DPP7: variants seen among roughly 807,000 people sequenced by gnomAD.
DPP7 encodes dipeptidyl peptidase 2.
Under a neutral mutation model 58.8 loss-of-function variants are expected in DPP7, and 74 were observed. That is an observed-to-expected ratio of 1.26 (90% CI 1.04 to 1.53). The LOEUF is 1.53. DPP7 is among the 40% of genes most tolerant of loss of function. DPP7 has a pLI of 0.00. For missense variants in DPP7, 807 were observed against 692.3 expected, an observed-to-expected ratio of 1.17 and a Z score of -1.86; for synonymous variants, 350 against 303.6, an observed-to-expected ratio of 1.15 and a Z score of -1.59.
intron 4 of DPP7, 66 bp from the exon 5 acceptor site, chr9:137,113,562 G>A: frequency 6.7e-7 from 1 of 1,495,444 alleles, no homozygotes; most frequent in Non-Finnish European, 8.9e-7. Flanking sequence ...TCCTCCTCAG[G>A]GGCCCACAGG....
At chr9:137,112,338 T>A in intron 8 of DPP7, 108 bp from the exon 9 acceptor site, 1 of 952,200 alleles carries the variant, frequency 1.1e-6, no homozygotes, top group Non-Finnish European at 1.5e-6. Flanking sequence ...TCTGGGGCTC[T>A]GGGATCTGTA....
Position 137,114,444 on chromosome 9 carries a change from G to T in DPP7, c.181+19C>A. The T allele has an allele frequency of 6.4e-7, 1 of 1,558,104 alleles. No homozygotes were observed. Among genetic ancestry groups the T allele is most frequent in the African/African-American group, 1.4e-5 (1 of 72,924 alleles). On this transcript the variant is annotated intron_variant, in intron 2 of 12. Coordinates refer to ENST00000371579, the MANE Select transcript of DPP7 (RefSeq NM_013379.3). ...GCGGCGGGACGGCGGGGGCGGCCGG[G>T]CCGGGGCCGGGGTCTCACCCGACAC...
chr9:137,114,501 A>G lies in DPP7; in HGVS notation c.143T>C (p.Phe48Ser), dbSNP rs776741394. The change falls in exon 2 of 13, where the codon TTC (phenylalanine) becomes TCC (serine). Residue 48 changes from phenylalanine (F) to serine (S), a missense_variant. Phe to Ser is a radical substitution (Grantham distance 155). Transcript: ENST00000371579. Reference sequence around the variant, plus strand: ...GCGCTGAGGGAAGGTCTTGTTGCCGAAGCGCTCGAAGTTGAAGTGGTCCAG... The same window carrying G: ...GCGCTGAGGGAAGGTCTTGTTGCCGGAGCGCTCGAAGTTGAAGTGGTCCAG... ...QRLDHFNFER[F>S]GNKTFPQRFL... 1.8e-5 allele frequency: 29 copies of G among 1,584,100 alleles called. No homozygotes were observed. Among genetic ancestry groups the G allele is most frequent in the Admixed American group, 8.8e-5 (5 of 57,056 alleles).
upstream of DPP7, among the ~76,000 whole-genome samples, chr9:137,115,754 G>A (rs1831618230): frequency 6.6e-6 from 1 of 152,088 alleles, no homozygotes; most frequent in Admixed American, 6.5e-5. Flanking sequence ...TGGTGGCAGT[G>A]ACCATCACGT....
At chr9:137,116,977 C>CT (rs1831655306), upstream of DPP7, among the ~76,000 whole-genome samples, 1 of 152,196 alleles carries the variant, frequency 6.6e-6, no homozygotes. Flanking sequence ...ACACAGATGC[C>CT]TTTGCTCACA....
chr9:137,114,800 C>A (rs900157222), upstream of DPP7: 4 of 962,894 alleles, frequency 4.2e-6, no homozygotes, highest in East Asian at 1.0e-4. Flanking sequence ...GTGTTTCGGG[C>A]GCCCGCGGTC....
upstream of DPP7, among the ~76,000 whole-genome samples, chr9:137,117,782 G>A (rs146865200): frequency 2.4e-3 from 360 of 152,210 alleles, 3 homozygotes; most frequent in East Asian, 6.6e-3. Context: ...AACCACTTCC[G>A]CGTGTGAAAT....
In DPP7 at chr9:137,113,459, A is replaced by G; in HGVS notation, c.523T>C (p.Tyr175His). The G allele has an allele frequency of 1.2e-6, 2 of 1,602,286 alleles. No individual in the cohort carries two copies. Among genetic ancestry groups the G allele is most frequent in the Non-Finnish European group, 1.7e-6 (2 of 1,173,086 alleles). ...AGCGCCCCCGCCACCAGGTGGGGAT[A>G]CTTCATCCTCAGGTAGGCACTGAGC... Reference protein sequence around the residue: ...GMLSAYLRMKYPHLVAGALAA... With the variant: ...GMLSAYLRMKHPHLVAGALAA... Residue 175 changes from tyrosine to histidine, a missense_variant, in exon 5 of 13, where the codon TAT (tyrosine) becomes CAT (histidine). Physicochemically the swap from Tyr to His is moderately conservative, Grantham distance 83 (BLOSUM62 2). Around this residue, in one of 3 missense-constraint regions of DPP7, gnomAD observed 624 missense variants for 531.2 expected, o/e 1.17. Transcript: ENST00000371579.
chr9:137,110,688 T>C lies in DPP7; in HGVS notation c.1439A>G (p.Gln480Arg). 1.9e-6 allele frequency: 3 copies of C among 1,609,354 alleles called. No individual in the cohort carries two copies. The highest frequency in any genetic ancestry group is 2.5e-6 in the Non-Finnish European group (3 of 1,179,946). ...GEWVKAARREQQPALRGGPRL... is the reference protein window; with the variant it reads ...GEWVKAARRERQPALRGGPRL... The stretch of plus-strand genomic sequence containing the variant: ...GGGCCCCCCACGCAGAGCTGGCTGC[T>C]GCTCACGCCTGGCTGCCTTTACCCA... Residue 480 changes from glutamine to arginine, a missense_variant, in exon 13 of 13, where the codon CAG becomes CGG. By Grantham distance (43) the Gln-to-Arg change is conservative (BLOSUM62 1). Around this residue, in one of 3 missense-constraint regions of DPP7, gnomAD observed 624 missense variants for 531.2 expected, o/e 1.17. Coordinates refer to ENST00000371579, the MANE Select transcript of DPP7 (RefSeq NM_013379.3).
rs771882318 is a variant in DPP7, at chr9:137,114,265, G to GC, written c.298dup (p.Ala100GlyfsTer111). On this transcript the variant is annotated frameshift_variant, in exon 3 of 13. Transcript: ENST00000371579. LOFTEE classifies it high-confidence loss of function. Reference sequence around the variant, plus strand: ...CACGTGCTCCGCGAAGACCAGTAGAGCCCCCCGCTCGGCCGCCAGCTCCGC... The same window carrying GC: ...CACGTGCTCCGCGAAGACCAGTAGAGCCCCCCCGCTCGGCCGCCAGCTCCGC... The GC allele has an allele frequency of 8.1e-6, 13 of 1,599,190 alleles. No homozygotes were observed. The East Asian group carries it at 2.1e-4, about 25-fold the overall frequency.
At chr9:137,111,064 G>T in intron 11 of DPP7, 114 bp from the exon 12 acceptor site, 1 of 1,058,432 alleles carries the variant, frequency 9.4e-7, no homozygotes, top group Non-Finnish European at 1.4e-6. Context: ...TGCCCATCAA[G>T]CAACCAGAGA....
Position 137,110,770 on chromosome 9 carries a change from C to A in DPP7, c.1357G>T (p.Glu453Ter). 1 of 1,605,872 alleles carries A rather than the reference C, an allele frequency of 6.2e-7. No individual in the cohort carries two copies. The highest frequency in any genetic ancestry group is 2.2e-5 in the East Asian group (1 of 44,874). ...GCCTCAACCACGGAAGCAGGATCTT[C>A]TGGGTGGGAGGCTCTGGGGAGCGGG... The part of the protein sequence containing the change: ...HHLDLRASHP[E>*]DPASVVEARK... The change falls in exon 13 of 13, where the codon GAA (glutamate) becomes TAA (stop). Residue 453 changes from glutamate to a stop codon, truncating the protein, a stop_gained. Coordinates refer to ENST00000371579, the MANE Select transcript of DPP7 (RefSeq NM_013379.3). LOFTEE classifies it low-confidence loss of function (END_TRUNC).
chr9:137,111,202 T>A (rs1382157783), intron 11 of DPP7, among the ~76,000 whole-genome samples: 3 of 140,094 alleles, frequency 2.1e-5, no homozygotes, highest in Non-Finnish European at 3.1e-5. Flanking sequence ...AGGAGCAGGG[T>A]AGGGGCAGGT....
chr9:137,117,789 A>C (rs1831666111), upstream of DPP7, among the ~76,000 whole-genome samples: 1 of 152,128 alleles, frequency 6.6e-6, no homozygotes, highest in Non-Finnish European at 1.5e-5. Flanking sequence ...TCCGCGTGTG[A>C]AATTTGGTGG....
chr9:137,117,799 G>A (rs1364247580), upstream of DPP7, among the ~76,000 whole-genome samples: 1 of 152,118 alleles, frequency 6.6e-6, no homozygotes, highest in Non-Finnish European at 1.5e-5. Flanking sequence ...AAATTTGGTG[G>A]CATTAGGTAC....
upstream of DPP7, among the ~76,000 whole-genome samples, chr9:137,116,013 A>G (rs1831627956): frequency 6.6e-6 from 1 of 152,178 alleles, no homozygotes; most frequent in South Asian, 2.1e-4. Flanking sequence ...ACCCTCACCC[A>G]GGACCGCAGC....
chr9:137,117,591 A>G (rs1444406124), upstream of DPP7, among the ~76,000 whole-genome samples: 1 of 152,104 alleles, frequency 6.6e-6, no homozygotes. Context: ...TCCTGCTGGG[A>G]CACCCAGTCC....
At chr9:137,117,685 G>A (rs1020688585), upstream of DPP7, among the ~76,000 whole-genome samples, 6 of 152,212 alleles carry the variant, frequency 3.9e-5, no homozygotes, top group African/African-American at 1.2e-4. Flanking sequence ...GGCTATCGGC[G>A]GGCGGCTGGC....
At chr9:137,111,306 G>A (rs1195320688) in intron 11 of DPP7, among the ~76,000 whole-genome samples, 11 of 121,256 alleles carry the variant, frequency 9.1e-5, no homozygotes, top group Non-Finnish European at 1.2e-4. Context: ...GGGGTGAGAC[G>A]GGAGCAGGGT....
Sources: gnomAD v4.1 joint callset for allele counts (sites outside exome capture counted in the v4.1 genomes callset) on GRCh38, gnomAD v4.1.1 for gene constraint, gnomAD v4.1.1 regional missense constraint, MANE v1.5 for transcripts, NCBI Gene and HGNC (gene_info 2026-07-23, HGNC 2026-07-21) for gene names.